FEZ1: variants seen among roughly 807,000 people sequenced by gnomAD.
The protein encoded by FEZ1 is fasciculation and elongation protein zeta-1.
In FEZ1, 20 loss-of-function variants were observed where a neutral mutation model predicts 49.3. That is an observed-to-expected ratio of 0.41 (90% CI 0.29 to 0.59). The LOEUF is 0.59. FEZ1 is among the 20% of genes least tolerant of loss of function. FEZ1 has a pLI of 0.36. For missense variants in FEZ1, 413 were observed against 476.0 expected (o/e 0.87, Z 1.23); for synonymous variants, 170 against 180.9 (o/e 0.94, Z 0.48).
chr11:125,469,461 T>A (rs757949740), intron 3 of FEZ1, among the ~76,000 whole-genome samples: 19 of 152,098 alleles, frequency 1.2e-4, no homozygotes, highest in Non-Finnish European at 2.4e-4. Context: ...GAACTTGCCA[T>A]GTTTCCTAGG....
At chr11:125,493,362 A>G (rs536983452) in intron 1 of FEZ1, among the ~76,000 whole-genome samples, 7 of 49,534 alleles carry the variant, frequency 1.4e-4, no homozygotes, top group African/African-American at 4.9e-4. Flanking sequence ...AGAAAGAGAG[A>G]AAAGAAAGAA....
In FEZ1 at chr11:125,444,641, TG is replaced by T. The variant is rs1956884039; in HGVS notation, c.*1453del. ...GGCAGGGCACTGGGAGTGCCTTCTG[TG>T]TCCCCTAGATGGATTCTGTGGCCTT... On this transcript the variant is annotated 3_prime_UTR_variant, in exon 10 of 10. Transcript: ENST00000278919. Among the ~76,000 whole-genome samples the T allele has an allele frequency of 6.6e-6, 1 of 151,914 alleles. No homozygotes were observed. Among genetic ancestry groups the T allele is most frequent in the African/African-American group, 2.4e-5 (1 of 41,362 alleles).
chr11:125,473,128 A>G (rs1957197506), intron 3 of FEZ1, among the ~76,000 whole-genome samples: 1 of 152,238 alleles, frequency 6.6e-6, no homozygotes, highest in African/African-American at 2.4e-5. Context: ...CAATCAATAC[A>G]GTGTGGGATT....
intron 8 of FEZ1, among the ~76,000 whole-genome samples, chr11:125,449,360 C>T (rs1256965787): frequency 8.2e-6 from 1 of 122,396 alleles, no homozygotes; most frequent in Non-Finnish European, 1.6e-5. Context: ...GAGTGAGACT[C>T]TGTCTCAAAA....
At chr11:125,479,191 T>A (rs1303462557) in intron 3 of FEZ1, among the ~76,000 whole-genome samples, 1 of 152,216 alleles carries the variant, frequency 6.6e-6, no homozygotes, top group East Asian at 1.9e-4. Flanking sequence ...TACCTTAGAT[T>A]GCTAATTACT....
At chr11:125,471,925 C>T (rs951236486) in intron 3 of FEZ1, among the ~76,000 whole-genome samples, 1 of 152,040 alleles carries the variant, frequency 6.6e-6, no homozygotes. Context: ...TGTTCTCTGA[C>T]AAAATTAAAT....
chr11:125,479,007 G>GT (rs1957256928), intron 3 of FEZ1, among the ~76,000 whole-genome samples: 1 of 152,106 alleles, frequency 6.6e-6, no homozygotes. Flanking sequence ...TGCGGTTTGG[G>GT]TAAGTACTAA....
In FEZ1 at chr11:125,460,585, C is replaced by T; in HGVS notation, c.580G>A (p.Gly194Arg). Reference protein sequence around the residue: ...EEEVLEEEDGGETSSQADSVL... With the variant: ...EEEVLEEEDGRETSSQADSVL... ...GAGTCTGCCTGGGAGGAAGTTTCTCCTCCATCCTCTTCTTCCAGAACCTCC... is the reference window on the plus strand; with the variant it reads ...GAGTCTGCCTGGGAGGAAGTTTCTCTTCCATCCTCTTCTTCCAGAACCTCC... Residue 194 changes from glycine (G) to arginine (R), a missense_variant, in exon 5 of 10, where the codon GGA becomes AGA. Coordinates refer to ENST00000278919, the MANE Select transcript of FEZ1 (RefSeq NM_005103.5). The T allele has an allele frequency of 6.2e-7, 1 of 1,614,156 alleles. No individual in the cohort carries two copies. Among genetic ancestry groups the T allele is most frequent in the South Asian group, 1.1e-5 (1 of 91,080 alleles).
rs772450342 is a variant in FEZ1 at position 125,489,535 on chromosome 11, G to A, written c.243C>T (p.Thr81=). 7.4e-6 allele frequency: 12 copies of A among 1,613,934 alleles called. No homozygotes were observed. The highest frequency in any genetic ancestry group is 5.3e-5 in the African/African-American group (4 of 74,904). Residue 81 remains threonine, a synonymous_variant, in exon 2 of 10, where the codon ACC becomes ACT. Transcript: ENST00000278919. The surrounding 1 kb of genome is among the most constrained non-coding windows in gnomAD (Gnocchi z 4.2). The part of the protein sequence containing the change: ...NVCFRNYNAK[T]ENLAPVKNQL... The stretch of plus-strand genomic sequence containing the variant: ...GGTTCTTCACGGGAGCTAGGTTCTC[G>A]GTCTTGGCGTTGTAGTTCCGAAAGC...
rs937928990 is a variant in FEZ1 at position 125,444,526 on chromosome 11, G to A, written c.*1569C>T. 2.0e-5 allele frequency among the ~76,000 whole-genome samples: 3 copies of A among 152,006 alleles called. No individual in the cohort carries two copies. Among genetic ancestry groups the A allele is most frequent in the Non-Finnish European group, 4.4e-5 (3 of 67,978 alleles). On this transcript the variant is annotated 3_prime_UTR_variant, in exon 10 of 10. Transcript: ENST00000278919. Reference sequence around the variant, plus strand: ...CTTGAACGTGGGAGGCGGAGTTTGCGGCGAGCTGAGATAGCGCCATTGTAC... The same window carrying A: ...CTTGAACGTGGGAGGCGGAGTTTGCAGCGAGCTGAGATAGCGCCATTGTAC...
chr11:125,468,895 G>A (rs1325792210), intron 3 of FEZ1, among the ~76,000 whole-genome samples: 1 of 152,132 alleles, frequency 6.6e-6, no homozygotes, highest in African/African-American at 2.4e-5. Context: ...GATAAAAAGG[G>A]ACTGCATCCT....
Position 125,456,350 on chromosome 11 carries a change from G to A in FEZ1, c.668-244C>T, listed in dbSNP as rs61400995. ...AAAGGAGGAAGAAGAAACAGCCCACGAGGAAGTCTGTGGACTCTATTCTCA... is the reference window on the plus strand; with the variant it reads ...AAAGGAGGAAGAAGAAACAGCCCACAAGGAAGTCTGTGGACTCTATTCTCA... On this transcript the variant is annotated intron_variant, in intron 5 of 9. Transcript: ENST00000278919. The A allele has an allele frequency of 3.6e-3, 1,522 of 427,138 alleles. 39 individuals carry two copies. In the East Asian group the frequency reaches 0.043, roughly 12 times the overall value. 26.5% of individuals were successfully genotyped at this position (427,138 alleles called of 1,614,324 possible).
chr11:125,448,681 C>T (rs966580838), intron 8 of FEZ1, 114 bp from the exon 9 acceptor site: 1 of 734,890 alleles, frequency 1.4e-6, no homozygotes, highest in African/African-American at 1.7e-5. Flanking sequence ...AAGAACCAGA[C>T]ATTTATTGAG....
chr11:125,452,225 A>G (rs1956964132), intron 8 of FEZ1, 109 bp downstream of exon 8: 1 of 768,102 alleles, frequency 1.3e-6, no homozygotes. Flanking sequence ...ATTTTGGCCC[A>G]TGTAAACCTG....
At chr11:125,446,863 C>T (rs148939119) in intron 9 of FEZ1, among the ~76,000 whole-genome samples, 1,697 of 151,790 alleles carry the variant, frequency 0.011, 30 homozygotes, top group African/African-American at 0.03. Flanking sequence ...TTAATTGAGA[C>T]GCGGTCTCAC....
intron 3 of FEZ1, among the ~76,000 whole-genome samples, chr11:125,469,709 G>A (rs1957166837): frequency 6.6e-6 from 1 of 150,840 alleles, no homozygotes; most frequent in African/African-American, 2.4e-5. Context: ...GACTACAGGT[G>A]CATGCCACCA....
rs1239790305 is a variant in FEZ1 at position 125,443,533 on chromosome 11, G to A, written c.*2562C>T. 2.0e-5 allele frequency among the ~76,000 whole-genome samples: 3 copies of A among 152,332 alleles called. No individual in the cohort carries two copies. Among genetic ancestry groups the A allele is most frequent in the Middle Eastern group, 3.4e-3 (1 of 294 alleles). On this transcript the variant is annotated 3_prime_UTR_variant, in exon 10 of 10. Transcript: ENST00000278919. ...CACAAAACCCAGGCTCCTTTTAAGAGAAGAGCTGCCTCCCTTTTAAAGGGA... is the reference window on the plus strand; with the variant it reads ...CACAAAACCCAGGCTCCTTTTAAGAAAAGAGCTGCCTCCCTTTTAAAGGGA...
chr11:125,449,441 A>AAAAGAAG (rs796507357), intron 8 of FEZ1, among the ~76,000 whole-genome samples: 75 of 128,200 alleles, frequency 5.9e-4, no homozygotes, highest in African/African-American at 2.0e-3. Context: ...AAAAAAAAAA[A>AAAAGAAG]AAGAAGAAGA....
At position 125,443,308 on chromosome 11, in the gene FEZ1, A is replaced by C. The variant is rs1956871406; in HGVS notation, c.*2787T>G. Among the ~76,000 whole-genome samples, 1 of 152,198 alleles carries C rather than the reference A, an allele frequency of 6.6e-6. No individual in the cohort carries two copies. Among genetic ancestry groups the C allele is most frequent in the African/African-American group, 2.4e-5 (1 of 41,444 alleles). ...GAGGTTTCTACAATCCAGAAAGACC[A>C]GAAGAGGGAAAAGCTGAGGGAAGAC... On this transcript the variant is annotated 3_prime_UTR_variant, in exon 10 of 10. Transcript: ENST00000278919.
Sources: gnomAD v4.1 joint callset for allele counts (sites outside exome capture counted in the v4.1 genomes callset) on GRCh38, gnomAD v4.1.1 for gene constraint, Gnocchi (gnomAD v3.1) non-coding constraint, MANE v1.5 for transcripts, NCBI Gene and HGNC (gene_info 2026-07-23, HGNC 2026-07-21) for gene names.